PDE6A: variants seen among roughly 807,000 people sequenced by gnomAD.
The protein encoded by PDE6A is phosphodiesterase 6A, also known as rod cGMP-specific 3',5'-cyclic phosphodiesterase subunit alpha.
PDE6A carries 84 observed loss-of-function variants against 106.3 expected under a neutral mutation model. The observed-to-expected ratio is 0.79, with a 90% CI of 0.66 to 0.95. PDE6A has a LOEUF of 0.95. Ranked by LOEUF, PDE6A falls within the 40% of genes least tolerant of loss-of-function variation. The probability of loss-of-function intolerance (pLI) is 0.00; values close to 1 mark genes in which losing one functional copy is unlikely to be tolerated. For missense variants in PDE6A, 1,052 were observed against 1,084.9 expected, an observed-to-expected ratio of 0.97 and a Z score of 0.43; for synonymous variants, 394 against 386.6, an observed-to-expected ratio of 1.02 and a Z score of -0.23.
intron 7 of PDE6A, 54 bp from the exon 8 acceptor site, chr5:149,903,749 C>T: frequency 7.6e-7 from 1 of 1,323,242 alleles, no homozygotes. Flanking sequence ...AGAGGGTGCC[C>T]AGTGAAGCAC....
At chr5:149,898,155 C>T (rs965452802) in intron 10 of PDE6A, among the ~76,000 whole-genome samples, 1 of 152,200 alleles carries the variant, frequency 6.6e-6, no homozygotes, top group Admixed American at 6.5e-5. Flanking sequence ...CACTCTCAGG[C>T]ACTCATCTGC....
chr5:149,934,578 C>T lies in PDE6A; in HGVS notation c.615G>A (p.Lys205=). Residue 205 remains lysine (K), a synonymous_variant, in exon 2 of 22, where the codon AAG becomes AAA. Coordinates refer to ENST00000255266, the MANE Select transcript of PDE6A (RefSeq NM_000440.3). The part of the protein sequence containing the change: ...VNKVDGSHFT[K]RDEEILLKYL... ...AAAGCATTCTTACCTCTTCATCTCTCTTGGTGAAGTGGGATCCATCCACTT... is the reference window on the plus strand; with the variant it reads ...AAAGCATTCTTACCTCTTCATCTCTTTTGGTGAAGTGGGATCCATCCACTT... 2 of 1,614,142 alleles carry T rather than the reference C, an allele frequency of 1.2e-6. No homozygotes were observed. Among genetic ancestry groups the T allele is most frequent in the South Asian group, 2.2e-5 (2 of 91,080 alleles).
intron 19 of PDE6A, chr5:149,866,837 A>G (rs376188026): frequency 1.3e-5 from 2 of 154,286 alleles, no homozygotes; most frequent in African/African-American, 4.8e-5. Context: ...AAAGCAAAAA[A>G]ATGCACTGGA....
At chr5:149,930,941 G>A in intron 4 of PDE6A, 87 bp downstream of exon 4, 1 of 1,320,080 alleles carries the variant, frequency 7.6e-7, no homozygotes, top group Non-Finnish European at 1.1e-6. Context: ...CTTCCCCCGT[G>A]CAATTGAATG....
intron 17 of PDE6A, among the ~76,000 whole-genome samples, chr5:149,872,483 T>C (rs937092694): frequency 4.6e-5 from 7 of 151,674 alleles, no homozygotes; most frequent in Admixed American, 2.6e-4. Flanking sequence ...CAAGCTGAGC[T>C]CTTATCCGCC....
At position 149,896,778 on chromosome 5, in the gene PDE6A, T is replaced by C. The variant is rs1060499536; in HGVS notation, c.1408-2A>G. On this transcript the variant is annotated splice_acceptor_variant, in intron 10 of 21. Transcript: ENST00000255266. LOFTEE classifies it high-confidence loss of function. ...CTTCCCATACACCTCTCTGGTTTTC[T>C]GCCAGGACCCAAAATGGCAGGGGAA... 6.2e-6 allele frequency: 10 copies of C among 1,614,162 alleles called. No homozygotes were observed. The South Asian group carries it at 1.1e-4, about 18-fold the overall frequency.
intron 13 of PDE6A, among the ~76,000 whole-genome samples, chr5:149,888,280 A>G (rs1421843399): frequency 6.6e-6 from 1 of 152,118 alleles, no homozygotes; most frequent in Non-Finnish European, 1.5e-5. Context: ...GGGGAACTAC[A>G]TGCTTCTAGA....
chr5:149,926,267 CAT>C (rs998855382), intron 4 of PDE6A, among the ~76,000 whole-genome samples: 1 of 151,268 alleles, frequency 6.6e-6, no homozygotes. Flanking sequence ...TTAAAAAAAA[CAT>C]ATATATATAC....
intron 16 of PDE6A, 112 bp from the exon 17 acceptor site, chr5:149,883,648 A>G (rs1167355003): frequency 1.3e-6 from 1 of 795,248 alleles, no homozygotes; most frequent in Admixed American, 2.0e-5. Flanking sequence ...AAAATTCACA[A>G]AACAAGGTTG....
At chr5:149,884,314 A>G (rs994449247) in intron 16 of PDE6A, among the ~76,000 whole-genome samples, 165 bp downstream of exon 16, 2 of 147,678 alleles carry the variant, frequency 1.4e-5, no homozygotes, top group Non-Finnish European at 3.0e-5. Flanking sequence ...ATGTGTATAT[A>G]TGTATATATG....
Position 149,932,592 on chromosome 5 carries a change from T to G in PDE6A, c.717+1338A>C, listed in dbSNP as rs931564649. ...GGCGTTTGGCGGTGCTACTTTTAACTTTTCTGGGACCCTCATTCGCTGACT... is the reference window on the plus strand; with the variant it reads ...GGCGTTTGGCGGTGCTACTTTTAACGTTTCTGGGACCCTCATTCGCTGACT... On this transcript the variant is annotated intron_variant, in intron 3 of 21. Coordinates refer to ENST00000255266, the MANE Select transcript of PDE6A (RefSeq NM_000440.3). 5.6e-6 allele frequency: 9 copies of G among 1,604,244 alleles called. No homozygotes were observed. The African/African-American group carries it at 1.2e-4, about 21-fold the overall frequency.
In PDE6A at chr5:149,921,652, T is replaced by C. The variant is rs369683948; in HGVS notation, c.916A>G (p.Arg306Gly). The stretch of plus-strand genomic sequence containing the variant: ...GAACGTACTCTTCCATCCGGAGTCC[T>C]GGGACCAGAGTAAGGTGGAACTTCA... The part of the protein sequence containing the change: ...MGEVPPYSGP[R>G]TPDGREINFY... The change falls in exon 5 of 22, where the codon AGG becomes GGG. Residue 306 changes from arginine to glycine, a missense_variant. Arg to Gly is a moderately radical substitution (Grantham distance 125). This residue lies in a region of PDE6A where 913 missense variants were observed against 915.2 expected (regional missense o/e 1.00). Transcript: ENST00000255266. 4.8e-5 allele frequency: 77 copies of C among 1,613,708 alleles called. No individual in the cohort carries two copies. In the African/African-American group the frequency reaches 9.9e-4, roughly 21 times the overall value.
intron 16 of PDE6A, among the ~76,000 whole-genome samples, 153 bp from the exon 17 acceptor site, chr5:149,883,689 G>A (rs1423577165): frequency 6.6e-6 from 1 of 152,162 alleles, no homozygotes; most frequent in African/African-American, 2.4e-5. Flanking sequence ...TGAAGACCTA[G>A]GTTTAACCTA....
chr5:149,878,828 A>T (rs1760829768), intron 17 of PDE6A, among the ~76,000 whole-genome samples: 1 of 152,280 alleles, frequency 6.6e-6, no homozygotes, highest in African/African-American at 2.4e-5. Flanking sequence ...CTATTGGATT[A>T]GTCTTTTCCT....
chr5:149,883,037 G>A (rs1204141513), intron 17 of PDE6A, among the ~76,000 whole-genome samples: 2 of 152,090 alleles, frequency 1.3e-5, no homozygotes, highest in Non-Finnish European at 2.9e-5. Context: ...CAGCCTGGGC[G>A]ACAGAGCGAG....
intron 4 of PDE6A, among the ~76,000 whole-genome samples, chr5:149,929,012 A>G (rs1314701642): frequency 6.6e-6 from 1 of 152,250 alleles, no homozygotes; most frequent in Admixed American, 6.5e-5. Flanking sequence ...ATTGATGAAG[A>G]AACCCTTGAT....
intron 9 of PDE6A, 54 bp downstream of exon 9, chr5:149,899,321 C>G: frequency 6.3e-7 from 1 of 1,595,588 alleles, no homozygotes; most frequent in South Asian, 1.1e-5. Context: ...CCCAGCCTCC[C>G]CCAGCAAGCT....
At chr5:149,928,231 A>ATATT in intron 4 of PDE6A, among the ~76,000 whole-genome samples, 2 of 19,744 alleles carry the variant, frequency 1.0e-4, no homozygotes, top group East Asian at 7.4e-4. Flanking sequence ...ATATATATAT[A>ATATT]TTTTTTTTTT....
rs1561744866 is a variant in PDE6A, at chr5:149,903,709, A to AG, written c.1066-15dup. On this transcript the variant is annotated splice_polypyrimidine_tract_variant and intron_variant, in intron 7 of 21. Coordinates refer to ENST00000255266, the MANE Select transcript of PDE6A (RefSeq NM_000440.3). ...GATGTTGCAAATCTGAGAGCAGTGA[A>AG]GGGGAATAATGAAGGTGTGATTAGG... is the stretch of plus-strand genomic sequence containing the variant. 1.2e-6 allele frequency: 2 copies of AG among 1,612,190 alleles called. No homozygotes were observed. The highest frequency in any genetic ancestry group is 1.7e-6 in the Non-Finnish European group (2 of 1,178,220).
Sources: allele counts gnomAD v4.1 joint callset (sites outside exome capture counted in the v4.1 genomes callset), GRCh38; gene constraint gnomAD v4.1.1; regional missense constraint gnomAD v4.1.1; transcripts MANE v1.5; gene names NCBI Gene and HGNC (gene_info 2026-07-23, HGNC 2026-07-21).